KCND3: variants seen among roughly 807,000 people sequenced by gnomAD.
KCND3 encodes potassium voltage-gated channel subfamily D member 3.
In KCND3, 9 loss-of-function variants were observed where a neutral mutation model predicts 51.1. The ratio of observed to expected loss-of-function variants is 0.18; its 90% CI spans 0.11 to 0.31. The LOEUF (loss-of-function observed/expected upper bound fraction) is 0.31, where lower values mean the gene tolerates loss of function less well. Ranked by LOEUF, KCND3 falls within the 10% of genes least tolerant of loss-of-function variation. The pLI, the probability that KCND3 is intolerant of heterozygous loss-of-function variation, is 1.00. For synonymous variants in KCND3, 349 were observed against 368.0 expected, an observed-to-expected ratio of 0.95 and a Z score of 0.59; for missense variants, 526 against 903.8, an observed-to-expected ratio of 0.58 and a Z score of 5.36.
At chr1:111,943,196 C>G (rs1273396343) in intron 2 of KCND3, among the ~76,000 whole-genome samples, 1 of 152,134 alleles carries the variant, frequency 6.6e-6, no homozygotes, top group East Asian at 1.9e-4. Flanking sequence ...AAAAGCTACA[C>G]CCCAGTATGA....
At chr1:111,810,257 C>G (rs946183979) in intron 2 of KCND3, among the ~76,000 whole-genome samples, 1 of 152,188 alleles carries the variant, frequency 6.6e-6, no homozygotes, top group African/African-American at 2.4e-5. Context: ...GTTAGGTGCC[C>G]TGGTCCAGTG....
chr1:111,896,466 C>T (rs867887600), intron 2 of KCND3, among the ~76,000 whole-genome samples: 9 of 152,124 alleles, frequency 5.9e-5, no homozygotes, highest in African/African-American at 2.2e-4. Flanking sequence ...ACCCTGAAGC[C>T]CAGAGAGAGG....
chr1:111,803,203 C>A (rs376100164), intron 2 of KCND3, among the ~76,000 whole-genome samples: 14 of 152,194 alleles, frequency 9.2e-5, no homozygotes, highest in African/African-American at 3.4e-4. Flanking sequence ...AGCACCCTAG[C>A]CTTACCCGCC....
Position 111,965,028 on chromosome 1 carries a change from C to T in KCND3, c.1106+16593G>A, listed in dbSNP as rs185552765. On this transcript the variant is annotated intron_variant, in intron 2 of 7. Coordinates refer to ENST00000302127, the MANE Select transcript of KCND3 (RefSeq NM_001378969.1). ...TAAAGGAAATGGGCAACAGCAGATT[C>T]GAAACAGCATCTGCAGTCAAAAGCT... Among the ~76,000 whole-genome samples the T allele has an allele frequency of 2.7e-3, 413 of 152,256 alleles. 2 individuals are homozygous for T. The highest frequency in any genetic ancestry group is 9.5e-3 in the African/African-American group (396 of 41,560).
chr1:111,878,335 C>T (rs1413622609), intron 2 of KCND3, among the ~76,000 whole-genome samples: 9 of 152,232 alleles, frequency 5.9e-5, no homozygotes, highest in Admixed American at 2.0e-4. Context: ...TAATAAGACA[C>T]GGGCTTCTAG....
chr1:111,942,939 C>G (rs1005063397), intron 2 of KCND3, among the ~76,000 whole-genome samples: 3 of 152,178 alleles, frequency 2.0e-5, no homozygotes, highest in Non-Finnish European at 4.4e-5. Context: ...CACCATACAC[C>G]TGGCCTCTCT....
chr1:111,830,282 T>C (rs1314821422), intron 2 of KCND3, among the ~76,000 whole-genome samples: 1 of 152,234 alleles, frequency 6.6e-6, no homozygotes, highest in Non-Finnish European at 1.5e-5. Flanking sequence ...CCTCATAGCC[T>C]TCCAGATAAA....
rs568661412 is a variant in KCND3 at position 111,916,474 on chromosome 1, C to A, written c.1106+65147G>T. On this transcript the variant is annotated intron_variant, in intron 2 of 7. Coordinates refer to ENST00000302127, the MANE Select transcript of KCND3 (RefSeq NM_001378969.1). ...TGTTTATACTGGAAAATAAACAAGT[C>A]TCAAATCAATGATCTAAGCTTCTAC... 2.8e-4 allele frequency among the ~76,000 whole-genome samples: 42 copies of A among 152,078 alleles called. 1 individual carries two copies. Among genetic ancestry groups the A allele is most frequent in the Non-Finnish European group, 1.9e-4 (13 of 67,978 alleles).
chr1:111,847,118 A>T (rs1025174143), intron 2 of KCND3, among the ~76,000 whole-genome samples: 2 of 152,234 alleles, frequency 1.3e-5, no homozygotes, highest in Non-Finnish European at 2.9e-5. Context: ...CATGACGAGG[A>T]GTGCTGTCAG....
intron 2 of KCND3, among the ~76,000 whole-genome samples, chr1:111,815,799 A>G (rs1322184094): frequency 6.6e-6 from 1 of 151,956 alleles, no homozygotes; most frequent in Non-Finnish European, 1.5e-5. Flanking sequence ...TTGACATATC[A>G]TACCTGCAGT....
At chr1:111,923,904 T>C (rs756610929) in intron 2 of KCND3, among the ~76,000 whole-genome samples, 7 of 152,130 alleles carry the variant, frequency 4.6e-5, no homozygotes, top group Non-Finnish European at 8.8e-5. Context: ...AGCACCACCA[T>C]GCAGAGGGGG....
intron 2 of KCND3, among the ~76,000 whole-genome samples, chr1:111,824,119 CAAA>C (rs34971055): frequency 2.5e-4 from 30 of 118,900 alleles, no homozygotes; most frequent in Non-Finnish European, 3.4e-4. Flanking sequence ...TCTCCAACTC[CAAA>C]AAAAAAAAAA....
rs149484126 is a variant in KCND3, at chr1:111,977,588, A to G, written c.1106+4033T>C. Reference sequence around the variant, plus strand: ...GTGAGCCATCTCATCGGGATCGGACACTGCTCTGAACCCTTCCCTAGGATA... The same window carrying G: ...GTGAGCCATCTCATCGGGATCGGACGCTGCTCTGAACCCTTCCCTAGGATA... On this transcript the variant is annotated intron_variant, in intron 2 of 7. Coordinates refer to ENST00000302127, the MANE Select transcript of KCND3 (RefSeq NM_001378969.1). 1.1e-3 allele frequency among the ~76,000 whole-genome samples: 175 copies of G among 152,270 alleles called. 1 individual carries two copies. The highest frequency in any genetic ancestry group is 4.0e-3 in the African/African-American group (168 of 41,546).
chr1:111,876,284 C>T (rs1469340137), intron 2 of KCND3, among the ~76,000 whole-genome samples: 1 of 152,208 alleles, frequency 6.6e-6, no homozygotes, highest in Non-Finnish European at 1.5e-5. Flanking sequence ...ATTCTACATT[C>T]TATAATTCCA....
chr1:111,873,681 T>C (rs1201628719), intron 2 of KCND3, among the ~76,000 whole-genome samples: 1 of 152,144 alleles, frequency 6.6e-6, no homozygotes, highest in East Asian at 1.9e-4. Context: ...CTCAAGCAGA[T>C]GCTTATTATA....
At chr1:111,799,290 T>G (rs1053998308) in intron 2 of KCND3, among the ~76,000 whole-genome samples, 31 of 152,172 alleles carry the variant, frequency 2.0e-4, no homozygotes, top group Admixed American at 1.3e-4. Context: ...CTTCAGGTAC[T>G]AGAATTGATA....
rs1670245603 is a variant in KCND3, at chr1:111,898,749, C to T, written c.1106+82872G>A. On this transcript the variant is annotated intron_variant, in intron 2 of 7. Coordinates refer to ENST00000302127, the MANE Select transcript of KCND3 (RefSeq NM_001378969.1). ...ACAGAAAGAGGGGAAACAGCAGAGA[C>T]CACAGAGTGTGGGGTCCAGACAGCT... Among the ~76,000 whole-genome samples the T allele has an allele frequency of 2.0e-5, 3 of 152,120 alleles. No individual in the cohort carries two copies. In the South Asian group the frequency reaches 6.2e-4, roughly 31 times the overall value.
At chr1:111,960,878 G>A (rs1051881839) in intron 2 of KCND3, among the ~76,000 whole-genome samples, 2 of 152,144 alleles carry the variant, frequency 1.3e-5, no homozygotes, top group African/African-American at 4.8e-5. Context: ...GGGAGGCCTG[G>A]GGCCATGGCA....
chr1:111,797,771 G>T (rs1313559190), intron 2 of KCND3, among the ~76,000 whole-genome samples: 2 of 151,906 alleles, frequency 1.3e-5, no homozygotes, highest in African/African-American at 2.4e-5. Context: ...GAGGCTGGAG[G>T]GGTAGTCACA....
Sources: gnomAD v4.1 joint callset for allele counts (sites outside exome capture counted in the v4.1 genomes callset) on GRCh38, gnomAD v4.1.1 for gene constraint, MANE v1.5 for transcripts, NCBI Gene and HGNC (gene_info 2026-07-23, HGNC 2026-07-21) for gene names.